PROS1: variants seen among roughly 807,000 people sequenced by gnomAD.
The protein encoded by PROS1 is vitamin K-dependent protein S.
In PROS1, 29 loss-of-function variants were observed where a neutral mutation model predicts 75.9. The ratio of observed to expected loss-of-function variants is 0.38; its 90% CI spans 0.28 to 0.52. The LOEUF is 0.52. Among genes scored for constraint, PROS1 ranks in the 20% least tolerant of loss-of-function variants. PROS1 has a pLI of 0.83. For synonymous variants in PROS1, 245 were observed against 280.6 expected (o/e 0.87, Z 1.27); for missense variants, 680 against 810.3 (o/e 0.84, Z 1.95).
chr3:93,906,507 T>C (rs1172653106), intron 4 of PROS1, among the ~76,000 whole-genome samples: 6 of 152,146 alleles, frequency 3.9e-5, no homozygotes, highest in Non-Finnish European at 5.9e-5. Context: ...GTCTCTGTGC[T>C]CTTGGGGGCC....
intron 1 of PROS1, among the ~76,000 whole-genome samples, chr3:93,959,418 A>G (rs1474637250): frequency 1.3e-5 from 2 of 152,160 alleles, no homozygotes; most frequent in Non-Finnish European, 2.9e-5. Context: ...GTAATTTCTC[A>G]CTGGAGACCT....
Position 93,924,159 on chromosome 3 carries a change from G to A in PROS1, c.259+81C>T. The A allele has an allele frequency of 4.2e-6, 4 of 949,002 alleles. No homozygotes were observed. In the East Asian group the frequency reaches 1.0e-4, roughly 24 times the overall value. 58.8% of individuals were successfully genotyped at this position (949,002 alleles called of 1,614,324 possible). ...TAATGAAATTACATTGGATGGAATA[G>A]ATAGGTGGAGAGTTAGACAGGAACA... On this transcript the variant is annotated intron_variant, in intron 3 of 14. Coordinates refer to ENST00000394236, the MANE Select transcript of PROS1 (RefSeq NM_000313.4).
chr3:93,950,452 C>T (rs370262673), intron 1 of PROS1, among the ~76,000 whole-genome samples: 3 of 152,186 alleles, frequency 2.0e-5, no homozygotes, highest in Non-Finnish European at 4.4e-5. Flanking sequence ...CGACTGACAC[C>T]TCATACAGCC....
chr3:93,927,500 C>G, intron 1 of PROS1, 93 bp from the exon 2 acceptor site: 7 of 1,355,604 alleles, frequency 5.2e-6, no homozygotes, highest in Non-Finnish European at 7.1e-6. Flanking sequence ...CATTTTCTGC[C>G]TATGAATTGT....
At chr3:93,912,293 C>T (rs1708769366) in intron 3 of PROS1, among the ~76,000 whole-genome samples, 1 of 152,172 alleles carries the variant, frequency 6.6e-6, no homozygotes, top group Non-Finnish European at 1.5e-5. Context: ...TAATCTCCTG[C>T]CATCCTGTTA....
Position 93,874,240 on chromosome 3 carries a change from A to G in PROS1, c.*5T>C, listed in dbSNP as rs752897750. 2 of 1,613,226 alleles carry G rather than the reference A, an allele frequency of 1.2e-6. No homozygotes were observed. The highest frequency in any genetic ancestry group is 1.7e-6 in the Non-Finnish European group (2 of 1,179,332). On this transcript the variant is annotated 3_prime_UTR_variant, in exon 15 of 15. Coordinates refer to ENST00000394236, the MANE Select transcript of PROS1 (RefSeq NM_000313.4). ...AAAAGGTATTATAAGCAGAGAAAAG[A>G]TGCCTTAAGAATTCTTTGTCTTTTT...
chr3:93,946,908 A>T (rs1310427879), intron 1 of PROS1, among the ~76,000 whole-genome samples: 1 of 152,128 alleles, frequency 6.6e-6, no homozygotes, highest in East Asian at 1.9e-4. Context: ...AAATTTTTAC[A>T]ATCTACCCAT....
At chr3:93,932,710 G>T (rs569255320) in intron 1 of PROS1, among the ~76,000 whole-genome samples, 5 of 152,206 alleles carry the variant, frequency 3.3e-5, no homozygotes, top group South Asian at 2.1e-4. Flanking sequence ...TTTGTTTTTT[G>T]AGTGTAAATT....
At chr3:93,945,286 A>G (rs1709367580) in intron 1 of PROS1, among the ~76,000 whole-genome samples, 1 of 152,154 alleles carries the variant, frequency 6.6e-6, no homozygotes, top group African/African-American at 2.4e-5. Flanking sequence ...AAAAGAGGGA[A>G]TCCTCCCTAA....
chr3:93,899,886 A>T (rs956013157), intron 7 of PROS1, among the ~76,000 whole-genome samples: 5 of 152,176 alleles, frequency 3.3e-5, no homozygotes, highest in Non-Finnish European at 7.3e-5. Flanking sequence ...GCATGAATGT[A>T]ATTAATGCCA....
chr3:93,952,657 C>T (rs375837266), intron 1 of PROS1, among the ~76,000 whole-genome samples: 16 of 152,216 alleles, frequency 1.1e-4, no homozygotes, highest in East Asian at 5.8e-4. Context: ...CCTAACAGCA[C>T]AACTAAAAGA....
intron 3 of PROS1, among the ~76,000 whole-genome samples, chr3:93,921,275 T>G (rs1173651695): frequency 6.6e-6 from 1 of 152,226 alleles, no homozygotes; most frequent in Non-Finnish European, 1.5e-5. Flanking sequence ...GGACTGAATA[T>G]CATTTTATTT....
chr3:93,875,602 A>T (rs1708170394), intron 14 of PROS1, among the ~76,000 whole-genome samples: 1 of 151,744 alleles, frequency 6.6e-6, no homozygotes, highest in South Asian at 2.1e-4. Flanking sequence ...CTCCCTAATA[A>T]TTAGGCATGC....
At chr3:93,880,202 T>C (rs2107130406) in intron 12 of PROS1, among the ~76,000 whole-genome samples, 1 of 152,246 alleles carries the variant, frequency 6.6e-6, no homozygotes, top group East Asian at 1.9e-4. Flanking sequence ...TATAATCCTG[T>C]AACTCCCATC....
At chr3:93,936,911 G>GT (rs1332489868) in intron 1 of PROS1, among the ~76,000 whole-genome samples, 1 of 152,124 alleles carries the variant, frequency 6.6e-6, no homozygotes, top group Non-Finnish European at 1.5e-5. Flanking sequence ...TTAAAAACAT[G>GT]TTTTTTGTTT....
chr3:93,889,888 G>C (rs528479775), intron 10 of PROS1, among the ~76,000 whole-genome samples: 5 of 152,238 alleles, frequency 3.3e-5, no homozygotes, highest in African/African-American at 1.2e-4. Context: ...CAGAATAACA[G>C]CGATTTTAGG....
At chr3:93,967,616 T>C (rs528465298) in intron 1 of PROS1, among the ~76,000 whole-genome samples, 1 of 152,262 alleles carries the variant, frequency 6.6e-6, no homozygotes, top group South Asian at 2.1e-4. Context: ...CTAGGCATAG[T>C]GGCTCACACC....
chr3:93,917,823 C>A (rs1470301420), intron 3 of PROS1, among the ~76,000 whole-genome samples: 1 of 152,180 alleles, frequency 6.6e-6, no homozygotes, highest in Non-Finnish European at 1.5e-5. Context: ...TGCCTCCCTG[C>A]AGGGCAGGGT....
At chr3:93,896,555 T>A (rs1260362611) in intron 9 of PROS1, 21 bp downstream of exon 9, 4 of 1,536,990 alleles carry the variant, frequency 2.6e-6, no homozygotes, top group Non-Finnish European at 3.6e-6. Flanking sequence ...CTAGAAATTA[T>A]CATTGGTATT....
Sources: gnomAD v4.1 joint callset for allele counts (sites outside exome capture counted in the v4.1 genomes callset) on GRCh38, gnomAD v4.1.1 for gene constraint, MANE v1.5 for transcripts, NCBI Gene and HGNC (gene_info 2026-07-23, HGNC 2026-07-21) for gene names.